The following NSMCE2 variants were observed in gnomAD, a reference collection of about 807,000 sequenced individuals.
NSMCE2 encodes NSE2 SUMO ligase component of SMC5/6 complex.
NSMCE2 carries 24 observed loss-of-function variants against 23.8 expected under a neutral mutation model. The observed-to-expected ratio is 1.01, with a 90% CI of 0.73 to 1.42. The LOEUF (loss-of-function observed/expected upper bound fraction) is 1.42, where lower values mean the gene tolerates loss of function less well. NSMCE2 is among the 40% of genes most tolerant of loss of function. The probability of loss-of-function intolerance (pLI) is 0.00; values close to 1 mark genes in which losing one functional copy is unlikely to be tolerated. For synonymous variants in NSMCE2, 92 were observed against 94.1 expected (o/e 0.98, Z 0.13); for missense variants, 284 against 296.5 (o/e 0.96, Z 0.31).
intron 3 of NSMCE2, among the ~76,000 whole-genome samples, chr8:125,147,143 C>A (rs529310803): frequency 6.6e-6 from 1 of 152,150 alleles, no homozygotes; most frequent in Non-Finnish European, 1.5e-5. Context: ...TGAATTTGAA[C>A]ATCGTTGTGT....
intron 5 of NSMCE2, among the ~76,000 whole-genome samples, chr8:125,204,145 C>A (rs572508984): frequency 6.6e-6 from 1 of 152,118 alleles, no homozygotes; most frequent in African/African-American, 2.4e-5. Context: ...TTCATGTGAC[C>A]TTTTTTCCCC....
At chr8:125,251,559 T>C (rs1185828233) in intron 5 of NSMCE2, among the ~76,000 whole-genome samples, 4 of 152,138 alleles carry the variant, frequency 2.6e-5, no homozygotes, top group Non-Finnish European at 4.4e-5. Flanking sequence ...AGCTAGAAAA[T>C]AGATTTTTTT....
intron 5 of NSMCE2, among the ~76,000 whole-genome samples, chr8:125,252,854 C>A (rs778006547): frequency 6.6e-6 from 1 of 152,254 alleles, no homozygotes; most frequent in Non-Finnish European, 1.5e-5. Context: ...GTTAAGAGCG[C>A]AAGCTCCGGA....
intron 5 of NSMCE2, among the ~76,000 whole-genome samples, chr8:125,191,523 T>A (rs992068987): frequency 1.3e-5 from 2 of 152,212 alleles, no homozygotes; most frequent in African/African-American, 4.8e-5. Context: ...ATCTGCTTCA[T>A]CTAGCTGAGA....
chr8:125,216,610 G>T (rs2130903412), intron 5 of NSMCE2, among the ~76,000 whole-genome samples: 1 of 151,450 alleles, frequency 6.6e-6, no homozygotes, highest in South Asian at 2.1e-4. Flanking sequence ...CTCCAGCCTG[G>T]GCAACAAGAG....
chr8:125,098,146 A>G lies in NSMCE2; in HGVS notation c.-110-3905A>G, dbSNP rs528095316. 6.7e-4 allele frequency among the ~76,000 whole-genome samples: 102 copies of G among 152,328 alleles called. 1 individual carries two copies. Among genetic ancestry groups the G allele is most frequent in the East Asian group, 1.3e-3 (7 of 5,196 alleles). ...CAGATTCTTAGGTCCCTTCCCAGAC[A>G]TACTGAATTAGAAATTCTGAGGGTG... On this transcript the variant is annotated intron_variant, in intron 1 of 7. Transcript: ENST00000287437.
Position 125,366,322 on chromosome 8 carries a change from C to T in NSMCE2, c.627-446C>T, listed in dbSNP as rs1017092276. On this transcript the variant is annotated intron_variant, in intron 7 of 7. Transcript: ENST00000287437. ...TTGGGAGGCCGAGGCGGGCGGATCA[C>T]GAGGTCAGGAGATCGAGACCATCCT... Among the ~76,000 whole-genome samples, 10 of 152,214 alleles carry T rather than the reference C, an allele frequency of 6.6e-5. No individual in the cohort carries two copies. The South Asian group carries it at 1.9e-3, about 28-fold the overall frequency.
At chr8:125,106,813 T>C (rs1818483098) in intron 3 of NSMCE2, among the ~76,000 whole-genome samples, 1 of 151,824 alleles carries the variant, frequency 6.6e-6, no homozygotes. Flanking sequence ...CTGGCTAACA[T>C]GACGAAAACC....
chr8:125,230,858 G>A (rs16900452), intron 5 of NSMCE2, among the ~76,000 whole-genome samples: 9,760 of 152,248 alleles, frequency 0.064, 423 homozygotes, highest in South Asian at 0.15. Flanking sequence ...ACAGCAGGGG[G>A]CAGCAGCATG....
intron 5 of NSMCE2, among the ~76,000 whole-genome samples, chr8:125,346,813 G>A (rs1386072459): frequency 6.6e-6 from 1 of 152,118 alleles, no homozygotes; most frequent in Admixed American, 6.5e-5. Context: ...CCTAATATTT[G>A]GACAGTATTT....
At chr8:125,306,361 A>C (rs1828764656) in intron 5 of NSMCE2, among the ~76,000 whole-genome samples, 1 of 125,604 alleles carries the variant, frequency 8.0e-6, no homozygotes, top group Non-Finnish European at 1.8e-5. Context: ...ATATATATTA[A>C]AAAAAAAAAA....
At chr8:125,097,275 G>T (rs1291886886) in intron 1 of NSMCE2, among the ~76,000 whole-genome samples, 1 of 152,086 alleles carries the variant, frequency 6.6e-6, no homozygotes, top group Admixed American at 6.6e-5. Flanking sequence ...TTCAGGTCTT[G>T]ATTTTTAAGG....
intron 3 of NSMCE2, among the ~76,000 whole-genome samples, chr8:125,143,433 C>T (rs985907838): frequency 6.6e-6 from 1 of 152,216 alleles, no homozygotes; most frequent in Admixed American, 6.5e-5. Context: ...GCCGCCTTTT[C>T]TTCCTTCCTC....
intron 5 of NSMCE2, among the ~76,000 whole-genome samples, chr8:125,304,883 GA>G (rs373087319): frequency 0.021 from 2,236 of 106,926 alleles, 49 homozygotes; most frequent in African/African-American, 0.071. Context: ...GCCAGACTCT[GA>G]AAAAAAAAAA....
chr8:125,177,334 T>A (rs950320588), intron 4 of NSMCE2, among the ~76,000 whole-genome samples: 72 of 152,188 alleles, frequency 4.7e-4, no homozygotes, highest in African/African-American at 1.7e-3. Flanking sequence ...GAGCTCAAAG[T>A]TTTTTCTCCT....
chr8:125,142,111 T>TA (rs1266628853), intron 3 of NSMCE2, among the ~76,000 whole-genome samples: 1 of 152,176 alleles, frequency 6.6e-6, no homozygotes, highest in Non-Finnish European at 1.5e-5. Context: ...GTATTTAGAC[T>TA]AATTACACTT....
intron 5 of NSMCE2, among the ~76,000 whole-genome samples, chr8:125,212,163 G>A (rs1017884708): frequency 2.0e-5 from 3 of 152,296 alleles, no homozygotes; most frequent in Middle Eastern, 3.4e-3. Flanking sequence ...GTTGCTACAC[G>A]TGTGAATCTC....
At chr8:125,169,933 T>G (rs1454556829) in intron 4 of NSMCE2, among the ~76,000 whole-genome samples, 1 of 152,136 alleles carries the variant, frequency 6.6e-6, no homozygotes, top group East Asian at 1.9e-4. Context: ...AGTGCTTTTT[T>G]TTTTTCATTT....
intron 5 of NSMCE2, among the ~76,000 whole-genome samples, chr8:125,269,695 A>G (rs1455829971): frequency 1.3e-5 from 2 of 152,238 alleles, no homozygotes; most frequent in East Asian, 1.9e-4. Flanking sequence ...GATTAAACCT[A>G]TAAGCTTGGA....
Sources: allele counts gnomAD v4.1 joint callset (sites outside exome capture counted in the v4.1 genomes callset), GRCh38; gene constraint gnomAD v4.1.1; transcripts MANE v1.5; gene names NCBI Gene and HGNC (gene_info 2026-07-23, HGNC 2026-07-21).